Variants in KCNIP4 observed in about 807,000 individuals in gnomAD.
KCNIP4 encodes the protein Kv channel-interacting protein 4.
KCNIP4 carries 12 observed loss-of-function variants against 34.0 expected under a neutral mutation model. That is an observed-to-expected ratio of 0.35 (90% CI 0.23 to 0.57). The LOEUF is 0.57. Among genes scored for constraint, KCNIP4 ranks in the 20% least tolerant of loss-of-function variants. KCNIP4 has a pLI of 0.83. For synonymous variants in KCNIP4, 124 were observed against 102.2 expected, an observed-to-expected ratio of 1.21 and a Z score of -1.29; for missense variants, 238 against 311.7, an observed-to-expected ratio of 0.76 and a Z score of 1.78.
chr4:21,823,926 A>T (rs969265272), intron 1 of KCNIP4, among the ~76,000 whole-genome samples: 3 of 152,144 alleles, frequency 2.0e-5, no homozygotes, highest in Admixed American at 1.3e-4. Context: ...GCATATCTAT[A>T]CCTCTGGGTA....
intron 1 of KCNIP4, among the ~76,000 whole-genome samples, chr4:21,592,455 A>G (rs563722951): frequency 6.6e-6 from 1 of 152,282 alleles, no homozygotes; most frequent in Non-Finnish European, 1.5e-5. Context: ...GACAAAACAG[A>G]AATTATCATT....
At chr4:21,604,682 A>G (rs146581187) in intron 1 of KCNIP4, among the ~76,000 whole-genome samples, 6 of 152,334 alleles carry the variant, frequency 3.9e-5, no homozygotes, top group African/African-American at 1.2e-4. Context: ...GCCAACTTTT[A>G]CACGGACTAC....
At chr4:21,560,361 T>G (rs1399041926) in intron 1 of KCNIP4, among the ~76,000 whole-genome samples, 1 of 152,092 alleles carries the variant, frequency 6.6e-6, no homozygotes, top group African/African-American at 2.4e-5. Flanking sequence ...TTTTTGCAAT[T>G]GAGCCTTATT....
chr4:20,987,075 T>C (rs1351102365), intron 1 of KCNIP4, among the ~76,000 whole-genome samples: 3 of 152,204 alleles, frequency 2.0e-5, no homozygotes, highest in Non-Finnish European at 4.4e-5. Context: ...CTAAAAAGTC[T>C]AGGGAAGCAG....
chr4:21,592,468 T>C (rs1742294621), intron 1 of KCNIP4, among the ~76,000 whole-genome samples: 1 of 152,118 alleles, frequency 6.6e-6, no homozygotes, highest in Non-Finnish European at 1.5e-5. Flanking sequence ...TTATCATTGA[T>C]TGGTTGGAGT....
chr4:21,928,108 C>CTATATAGA (rs1553837531), intron 1 of KCNIP4, among the ~76,000 whole-genome samples: 1 of 142,756 alleles, frequency 7.0e-6, no homozygotes, highest in Non-Finnish European at 1.5e-5. Context: ...CCAGATTAGA[C>CTATATAGA]TATATATATA....
chr4:21,126,324 A>C (rs1031041330), intron 1 of KCNIP4, among the ~76,000 whole-genome samples: 9 of 152,194 alleles, frequency 5.9e-5, no homozygotes, highest in Admixed American at 4.6e-4. Context: ...GAAGATAATA[A>C]ATCAGTTAAG....
intron 1 of KCNIP4, among the ~76,000 whole-genome samples, chr4:21,695,369 T>C (rs1474734870): frequency 6.6e-6 from 1 of 152,030 alleles, no homozygotes; most frequent in African/African-American, 2.4e-5. Flanking sequence ...TAAATCTATG[T>C]TACTACTTTA....
At chr4:21,117,473 C>G (rs965413982) in intron 1 of KCNIP4, among the ~76,000 whole-genome samples, 4 of 151,984 alleles carry the variant, frequency 2.6e-5, no homozygotes, top group African/African-American at 9.7e-5. Context: ...TCTGAGAGTT[C>G]CATTTAAATA....
At chr4:20,748,301 C>G (rs1304860084) in intron 5 of KCNIP4, among the ~76,000 whole-genome samples, 1 of 151,960 alleles carries the variant, frequency 6.6e-6, no homozygotes, top group Non-Finnish European at 1.5e-5. Flanking sequence ...TATACTCTGT[C>G]CAGCCTCTGC....
At chr4:21,101,628 A>T (rs1236065711) in intron 1 of KCNIP4, among the ~76,000 whole-genome samples, 1 of 152,146 alleles carries the variant, frequency 6.6e-6, no homozygotes, top group East Asian at 1.9e-4. Context: ...TATGCACATG[A>T]GATTTCTTTT....
intron 1 of KCNIP4, among the ~76,000 whole-genome samples, chr4:21,053,927 A>T (rs1743158612): frequency 6.6e-6 from 1 of 152,192 alleles, no homozygotes; most frequent in Non-Finnish European, 1.5e-5. Flanking sequence ...TCAAGATGTA[A>T]GTTCTTCCCA....
chr4:21,113,959 T>C (rs770744335), intron 1 of KCNIP4, among the ~76,000 whole-genome samples: 3 of 152,166 alleles, frequency 2.0e-5, no homozygotes, highest in Non-Finnish European at 2.9e-5. Flanking sequence ...AAAGCTAGAA[T>C]TGAGATTTCT....
chr4:21,015,155 T>C (rs889890079), intron 1 of KCNIP4, among the ~76,000 whole-genome samples: 3 of 151,574 alleles, frequency 2.0e-5, no homozygotes, highest in Admixed American at 6.6e-5. Context: ...CAGTGTTTAA[T>C]GGGTAGAGCT....
At chr4:21,076,886 G>A (rs9999374) in intron 1 of KCNIP4, among the ~76,000 whole-genome samples, 3,546 of 152,236 alleles carry the variant, frequency 0.023, 125 homozygotes, top group African/African-American at 0.08. Context: ...AATTTGGGAG[G>A]CCAAAGCAGG....
At chr4:21,122,944 C>T (rs1445056306) in intron 1 of KCNIP4, among the ~76,000 whole-genome samples, 2 of 152,116 alleles carry the variant, frequency 1.3e-5, no homozygotes, top group Admixed American at 1.3e-4. Flanking sequence ...GGCACGGTGG[C>T]TCATGCCTGT....
At position 21,593,542 on chromosome 4, in the gene KCNIP4, T is replaced by A. The variant is rs540501678; in HGVS notation, c.61+355029A>T. ...GGCACAAACACGGCTCACCTCGTCCTCATAAAATGACTCATTACCTTCTCC... is the reference window on the plus strand; with the variant it reads ...GGCACAAACACGGCTCACCTCGTCCACATAAAATGACTCATTACCTTCTCC... On this transcript the variant is annotated intron_variant, in intron 1 of 8. Transcript: ENST00000382152. 4.6e-5 allele frequency among the ~76,000 whole-genome samples: 7 copies of A among 152,216 alleles called. No homozygotes were observed. The South Asian group carries it at 1.4e-3, about 32-fold the overall frequency.
chr4:21,399,091 T>C (rs1201020337), intron 1 of KCNIP4, among the ~76,000 whole-genome samples: 1 of 152,288 alleles, frequency 6.6e-6, no homozygotes, highest in African/African-American at 2.4e-5. Flanking sequence ...AGCATCCATC[T>C]TTCCTTCTCA....
intron 1 of KCNIP4, among the ~76,000 whole-genome samples, chr4:21,603,399 G>T (rs2109125907): frequency 6.6e-6 from 1 of 152,256 alleles, no homozygotes; most frequent in South Asian, 2.1e-4. Flanking sequence ...AGAAAGGAAA[G>T]AAAGGATGAA....
Sources: allele counts gnomAD v4.1 joint callset (sites outside exome capture counted in the v4.1 genomes callset), GRCh38; gene constraint gnomAD v4.1.1; transcripts MANE v1.5; gene names NCBI Gene and HGNC (gene_info 2026-07-23, HGNC 2026-07-21).